HACE1: variants seen among roughly 807,000 people sequenced by gnomAD.
HACE1 encodes the protein E3 ubiquitin-protein ligase HACE1.
Under a neutral mutation model 118.4 loss-of-function variants are expected in HACE1, and 73 were observed. The observed-to-expected ratio is 0.62, with a 90% CI of 0.51 to 0.75. The LOEUF is 0.75. HACE1 is among the 30% of genes least tolerant of loss of function. HACE1 has a pLI of 0.00. For synonymous variants in HACE1, 368 were observed against 374.8 expected, an observed-to-expected ratio of 0.98 and a Z score of 0.21; for missense variants, 749 against 1,102.2, an observed-to-expected ratio of 0.68 and a Z score of 4.54.
At chr6:104,799,491 G>GC (rs1189500893) in intron 7 of HACE1, among the ~76,000 whole-genome samples, 1 of 152,060 alleles carries the variant, frequency 6.6e-6, no homozygotes, top group African/African-American at 2.4e-5. Flanking sequence ...TTCATGAATT[G>GC]TTTTTCATTT....
chr6:104,749,362 A>G (rs1777791631), intron 20 of HACE1, among the ~76,000 whole-genome samples: 1 of 152,132 alleles, frequency 6.6e-6, no homozygotes, highest in Admixed American at 6.6e-5. Context: ...AAAAACCTCA[A>G]AACTTACATT....
chr6:104,827,059 C>T (rs1407345431), intron 6 of HACE1, among the ~76,000 whole-genome samples: 12 of 152,106 alleles, frequency 7.9e-5, no homozygotes, highest in Non-Finnish European at 1.5e-4. Flanking sequence ...GAGTGGAAAA[C>T]GAACATACAA....
At chr6:104,815,636 T>A (rs1772031575) in intron 6 of HACE1, among the ~76,000 whole-genome samples, 1 of 138,188 alleles carries the variant, frequency 7.2e-6, no homozygotes, top group Non-Finnish European at 1.6e-5. Context: ...GTGCTGGGAT[T>A]ACAGGCCTGA....
At chr6:104,832,889 G>A (rs111353266) in intron 6 of HACE1, among the ~76,000 whole-genome samples, 153 bp downstream of exon 6, 400 of 151,788 alleles carry the variant, frequency 2.6e-3, no homozygotes, top group African/African-American at 9.4e-3. Flanking sequence ...ACAAAGTGAG[G>A]CCCTGTCTCA....
At chr6:104,732,309 G>A (rs1040493835) in intron 22 of HACE1, 3 of 152,154 alleles carry the variant, frequency 2.0e-5, no homozygotes, top group African/African-American at 7.2e-5. Context: ...AGCAACCCAA[G>A]TGTCCATCAA....
chr6:104,828,866 T>C (rs1284774791), intron 6 of HACE1, among the ~76,000 whole-genome samples: 1 of 152,052 alleles, frequency 6.6e-6, no homozygotes, highest in Non-Finnish European at 1.5e-5. Context: ...GAAGCAAGAA[T>C]ATAGCATTTA....
At chr6:104,754,359 G>C (rs1032362188) in intron 19 of HACE1, among the ~76,000 whole-genome samples, 1 of 152,130 alleles carries the variant, frequency 6.6e-6, no homozygotes, top group Non-Finnish European at 1.5e-5. Context: ...AACTCCCCCA[G>C]ATTATCAGGA....
chr6:104,755,936 T>C (rs1778568780), intron 19 of HACE1, among the ~76,000 whole-genome samples: 2 of 151,674 alleles, frequency 1.3e-5, no homozygotes, highest in African/African-American at 4.8e-5. Flanking sequence ...AGATCAGAGG[T>C]GAATTGAAGA....
chr6:104,859,604 G>C lies in HACE1; in HGVS notation c.39C>G (p.Arg13=). The C allele has an allele frequency of 6.5e-7, 1 of 1,529,512 alleles. No homozygotes were observed. The highest frequency in any genetic ancestry group is 8.8e-7 in the Non-Finnish European group (1 of 1,142,398). The allele number at this position is 1,529,512 out of a possible 1,614,324, so 94.7% of individuals were successfully genotyped here. A position where few individuals can be genotyped will look rare whatever the true frequency, so the allele number is the denominator to read the frequency against. The change falls in exon 1 of 24, where the codon CGC becomes CGG. Residue 13 remains arginine, a synonymous_variant. Transcript: ENST00000262903. ...RAMEQLNRLT[R]SLRRARTVEL... is the part of the protein sequence containing the mutation. ...CCACGGTGCGCGCGCGGCGCAGCGA[G>C]CGCGTCAGGCGGTTGAGTTGCTCCA...
At chr6:104,789,872 G>T (rs1782831361) in intron 11 of HACE1, among the ~76,000 whole-genome samples, 1 of 152,110 alleles carries the variant, frequency 6.6e-6, no homozygotes, top group Admixed American at 6.5e-5. Flanking sequence ...AAACAACTTT[G>T]TGTGATATGA....
chr6:104,736,411 A>G (rs2114413337), intron 22 of HACE1, among the ~76,000 whole-genome samples: 1 of 152,180 alleles, frequency 6.6e-6, no homozygotes, highest in Middle Eastern at 3.4e-3. Context: ...CAGAACCCTG[A>G]GTAGCTGGGA....
chr6:104,748,034 C>A (rs1181159265), intron 20 of HACE1, among the ~76,000 whole-genome samples: 1 of 151,732 alleles, frequency 6.6e-6, no homozygotes. Flanking sequence ...TCTTCACAGC[C>A]TTGGAGTAAG....
chr6:104,763,022 A>C (rs1779581537), intron 19 of HACE1, among the ~76,000 whole-genome samples: 2 of 151,772 alleles, frequency 1.3e-5, no homozygotes, highest in South Asian at 4.1e-4. Flanking sequence ...GAATCAGTCA[A>C]ATAAGAAATA....
intron 16 of HACE1, 82 bp from the exon 17 acceptor site, chr6:104,776,910 T>G: frequency 7.8e-7 from 1 of 1,285,600 alleles, no homozygotes; most frequent in Non-Finnish European, 1.1e-6. Flanking sequence ...AATTTAAATA[T>G]AAAGTTTCTT....
At chr6:104,787,995 G>A (rs559596496) in intron 11 of HACE1, among the ~76,000 whole-genome samples, 3 of 152,012 alleles carry the variant, frequency 2.0e-5, no homozygotes, top group South Asian at 4.2e-4. Flanking sequence ...CAACCTTGAG[G>A]TGAGTTTACC....
intron 22 of HACE1, among the ~76,000 whole-genome samples, chr6:104,738,742 C>T (rs1161073035): frequency 7.0e-6 from 1 of 143,504 alleles, no homozygotes; most frequent in East Asian, 2.0e-4. Flanking sequence ...GGAAAACACT[C>T]TGCAGGATAT....
chr6:104,823,378 G>T (rs1387694507), intron 6 of HACE1, among the ~76,000 whole-genome samples: 2 of 151,066 alleles, frequency 1.3e-5, no homozygotes, highest in Non-Finnish European at 2.9e-5. Context: ...AGGTTGCAGT[G>T]AGCCAAGATC....
chr6:104,746,464 T>C (rs772070353), intron 20 of HACE1, among the ~76,000 whole-genome samples: 2 of 152,202 alleles, frequency 1.3e-5, no homozygotes, highest in Admixed American at 1.3e-4. Context: ...CTGGGAAACA[T>C]AGGCAGTTAG....
chr6:104,814,395 G>T (rs1771910106), intron 6 of HACE1, among the ~76,000 whole-genome samples: 1 of 138,546 alleles, frequency 7.2e-6, no homozygotes, highest in Admixed American at 7.1e-5. Flanking sequence ...CTTCAAAATT[G>T]TAAGATAAAT....
Sources: gnomAD v4.1 joint callset for allele counts (sites outside exome capture counted in the v4.1 genomes callset) on GRCh38, gnomAD v4.1.1 for gene constraint, MANE v1.5 for transcripts, NCBI Gene and HGNC (gene_info 2026-07-23, HGNC 2026-07-21) for gene names.